Variants in KIF6 observed in about 807,000 individuals in gnomAD.
The protein encoded by KIF6 is kinesin family member 6.
Under a neutral mutation model 112.7 loss-of-function variants are expected in KIF6, and 106 were observed. The ratio of observed to expected loss-of-function variants is 0.94; its 90% CI spans 0.80 to 1.11. The LOEUF is 1.11. Among genes scored for constraint, KIF6 ranks in the 50% least tolerant of loss-of-function variants. The pLI is 0.00. For synonymous variants in KIF6, 339 were observed against 339.9 expected, an observed-to-expected ratio of 1.00 and a Z score of 0.03; for missense variants, 929 against 964.0, an observed-to-expected ratio of 0.96 and a Z score of 0.48.
chr6:39,674,351 G>T (rs946219933), intron 3 of KIF6, among the ~76,000 whole-genome samples: 1 of 152,168 alleles, frequency 6.6e-6, no homozygotes, highest in African/African-American at 2.4e-5. Flanking sequence ...TGTAGAAGTT[G>T]ATCCTGAGCA....
chr6:39,691,683 AG>A (rs1561933962), intron 3 of KIF6: 1 of 152,232 alleles, frequency 6.6e-6, no homozygotes, highest in South Asian at 2.1e-4. Flanking sequence ...CATAAGTAAA[AG>A]GCATCATTAA....
intron 9 of KIF6, chr6:39,583,377 A>G: frequency 2.1e-6 from 1 of 471,164 alleles, no homozygotes; most frequent in Non-Finnish European, 4.4e-6. Context: ...CAGCAGGAAC[A>G]CTGTGTGATG....
At chr6:39,684,789 CG>C (rs201196968) in intron 3 of KIF6, among the ~76,000 whole-genome samples, 3 of 142,388 alleles carry the variant, frequency 2.1e-5, no homozygotes, top group Non-Finnish European at 1.5e-5. Flanking sequence ...AACTCTGTCT[CG>C]AAAAAAAAAA....
chr6:39,429,713 C>T (rs1482792453), intron 14 of KIF6, among the ~76,000 whole-genome samples: 1 of 152,118 alleles, frequency 6.6e-6, no homozygotes, highest in Non-Finnish European at 1.5e-5. Flanking sequence ...ATGAGACCAT[C>T]GTGGCTAACA....
intron 5 of KIF6, among the ~76,000 whole-genome samples, chr6:39,618,689 G>C (rs1783657985): frequency 6.6e-6 from 1 of 152,194 alleles, no homozygotes; most frequent in Non-Finnish European, 1.5e-5. Flanking sequence ...AATGTGGCTT[G>C]TTTTCCAACC....
chr6:39,478,700 ATTTT>A (rs796482220), intron 13 of KIF6, among the ~76,000 whole-genome samples: 8 of 106,120 alleles, frequency 7.5e-5, no homozygotes, highest in African/African-American at 9.6e-5. Context: ...GACAACATCT[ATTTT>A]TTTTTTTTTT....
At chr6:39,530,200 G>A (rs1467062958) in intron 13 of KIF6, among the ~76,000 whole-genome samples, 2 of 152,214 alleles carry the variant, frequency 1.3e-5, no homozygotes, top group African/African-American at 4.8e-5. Flanking sequence ...TTGAGGAGGA[G>A]ATAAGGGTCT....
intron 16 of KIF6, among the ~76,000 whole-genome samples, chr6:39,368,728 C>T (rs1322161173): frequency 6.6e-6 from 1 of 152,210 alleles, no homozygotes; most frequent in South Asian, 2.1e-4. Flanking sequence ...CACAGAATGC[C>T]CACAGCCAGC....
intron 13 of KIF6, among the ~76,000 whole-genome samples, chr6:39,484,406 G>T (rs748279326): frequency 1.3e-5 from 2 of 152,108 alleles, no homozygotes; most frequent in Non-Finnish European, 2.9e-5. Context: ...TCATAAAAGC[G>T]ACACAAGCAA....
intron 13 of KIF6, among the ~76,000 whole-genome samples, chr6:39,458,328 A>C (rs1303529196): frequency 6.7e-6 from 1 of 150,350 alleles, no homozygotes; most frequent in African/African-American, 2.5e-5. Flanking sequence ...ACAACTCTTC[A>C]TGCTAAAAAC....
chr6:39,687,057 A>C (rs950712628), intron 3 of KIF6, among the ~76,000 whole-genome samples: 4 of 152,176 alleles, frequency 2.6e-5, no homozygotes, highest in African/African-American at 9.7e-5. Flanking sequence ...TTCTGTAGCA[A>C]CCCAGGATAC....
chr6:39,530,832 C>T (rs1778010627), intron 13 of KIF6, among the ~76,000 whole-genome samples: 1 of 152,134 alleles, frequency 6.6e-6, no homozygotes, highest in South Asian at 2.1e-4. Flanking sequence ...GAAATTCTTT[C>T]AAAACAACAT....
intron 3 of KIF6, among the ~76,000 whole-genome samples, chr6:39,713,100 G>A (rs1789650735): frequency 6.6e-6 from 1 of 152,184 alleles, no homozygotes; most frequent in Non-Finnish European, 1.5e-5. Flanking sequence ...GTTGCTGAGG[G>A]AGAAACCATG....
chr6:39,518,458 T>C (rs1241498890), intron 13 of KIF6, among the ~76,000 whole-genome samples: 5 of 152,238 alleles, frequency 3.3e-5, no homozygotes, highest in South Asian at 2.1e-4. Flanking sequence ...TATCAGTGGA[T>C]TGTAAAATAC....
chr6:39,601,679 TCCAGCC>T (rs1782578079), intron 6 of KIF6, among the ~76,000 whole-genome samples: 1 of 150,886 alleles, frequency 6.6e-6, no homozygotes, highest in Non-Finnish European at 1.5e-5. Flanking sequence ...CCGGATTTGC[TCCAGCC>T]CTTACATGCT....
At chr6:39,357,883 A>G (rs1764834480) in intron 18 of KIF6, among the ~76,000 whole-genome samples, 1 of 152,216 alleles carries the variant, frequency 6.6e-6, no homozygotes, top group Non-Finnish European at 1.5e-5. Flanking sequence ...GTAAAGAATT[A>G]TGGGTAATGT....
chr6:39,481,995 G>A (rs987780580), intron 13 of KIF6, among the ~76,000 whole-genome samples: 1 of 144,492 alleles, frequency 6.9e-6, no homozygotes, highest in African/African-American at 2.6e-5. Flanking sequence ...TAAAGACAAC[G>A]GGACCTTTAG....
chr6:39,675,099 G>T (rs1787054545), intron 3 of KIF6, among the ~76,000 whole-genome samples: 1 of 152,082 alleles, frequency 6.6e-6, no homozygotes, highest in East Asian at 1.9e-4. Flanking sequence ...TTGCAAAAAT[G>T]TAAGGAAAAT....
At chr6:39,465,391 T>C (rs1022681664) in intron 13 of KIF6, among the ~76,000 whole-genome samples, 12 of 152,184 alleles carry the variant, frequency 7.9e-5, no homozygotes, top group Non-Finnish European at 1.5e-4. Context: ...AAAGTAAAAC[T>C]TCAGAATCAT....
Sources: gnomAD v4.1 joint callset for allele counts (sites outside exome capture counted in the v4.1 genomes callset) on GRCh38, gnomAD v4.1.1 for gene constraint, MANE v1.5 for transcripts, NCBI Gene and HGNC (gene_info 2026-07-23, HGNC 2026-07-21) for gene names.